MED13L: variants seen among roughly 807,000 people sequenced by gnomAD.
MED13L encodes mediator of RNA polymerase II transcription subunit 13-like.
Under a neutral mutation model 220.9 loss-of-function variants are expected in MED13L, and 7 were observed. That is an observed-to-expected ratio of 0.03 (90% CI 0.02 to 0.06). The LOEUF is 0.06. Ranked by LOEUF, MED13L falls within the 10% of genes least tolerant of loss-of-function variation. The probability of loss-of-function intolerance (pLI) is 1.00; values close to 1 mark genes in which losing one functional copy is unlikely to be tolerated. For missense variants in MED13L, 1,965 were observed against 2,760.5 expected, an observed-to-expected ratio of 0.71 and a Z score of 6.46; for synonymous variants, 1,011 against 1,015.2, an observed-to-expected ratio of 1.00 and a Z score of 0.08.
intron 7 of MED13L, among the ~76,000 whole-genome samples, chr12:116,018,184 C>A (rs1246219030): frequency 6.6e-6 from 1 of 151,984 alleles, no homozygotes; most frequent in African/African-American, 2.4e-5. Flanking sequence ...AAAAAATAAC[C>A]AAGATTCAGA....
chr12:115,990,862 GT>G (rs1403794196), intron 17 of MED13L, among the ~76,000 whole-genome samples, 157 bp downstream of exon 17: 71 of 152,292 alleles, frequency 4.7e-4, no homozygotes, highest in African/African-American at 1.6e-3. Flanking sequence ...CAGTCCATAA[GT>G]TTAGGATAAA....
At position 116,008,510 on chromosome 12, in the gene MED13L, T is replaced by C. The variant is rs1357254838; in HGVS notation, c.1903A>G (p.Ser635Gly). 1.2e-6 allele frequency: 2 copies of C among 1,613,794 alleles called. No individual in the cohort carries two copies. Among genetic ancestry groups the C allele is most frequent in the African/African-American group, 1.3e-5 (1 of 74,928 alleles). ...TCATCACTGGGTGGGAGACGATAACTATGCCACCACTTTTCTGATGACTCC... is the reference window on the plus strand; with the variant it reads ...TCATCACTGGGTGGGAGACGATAACCATGCCACCACTTTTCTGATGACTCC... The part of the protein sequence containing the change: ...NPESSEKWWH[S>G]YRLPPSDDAE... Residue 635 changes from serine (S) to glycine (G), a missense_variant, in exon 10 of 31, where the codon AGT (serine) becomes GGT (glycine). By Grantham distance (56) the Ser-to-Gly change is moderately conservative (BLOSUM62 0). Around this residue, in one of 10 missense-constraint regions of MED13L, gnomAD observed 818 missense variants for 1,041.2 expected, o/e 0.79. Coordinates refer to ENST00000281928, the MANE Select transcript of MED13L (RefSeq NM_015335.5).
intron 2 of MED13L, among the ~76,000 whole-genome samples, chr12:116,154,389 A>G (rs1878274621): frequency 6.6e-6 from 1 of 152,190 alleles, no homozygotes; most frequent in Non-Finnish European, 1.5e-5. Context: ...TGGCACTAAC[A>G]ATGAAAACAT....
At chr12:115,963,857 A>G (rs752354003) in intron 29 of MED13L, among the ~76,000 whole-genome samples, 3 of 152,202 alleles carry the variant, frequency 2.0e-5, no homozygotes, top group African/African-American at 4.8e-5. Context: ...ACAATTATCA[A>G]TATTCACCAC....
intron 2 of MED13L, among the ~76,000 whole-genome samples, chr12:116,140,165 C>A (rs1232031502): frequency 6.6e-6 from 1 of 152,078 alleles, no homozygotes; most frequent in Non-Finnish European, 1.5e-5. Context: ...TCCCAGCATG[C>A]TCTATTCTCA....
At chr12:116,098,676 T>C (rs898187006) in intron 3 of MED13L, among the ~76,000 whole-genome samples, 2 of 152,214 alleles carry the variant, frequency 1.3e-5, no homozygotes, top group Non-Finnish European at 2.9e-5. Context: ...CCACTGGTTT[T>C]ACTTAGAAAA....
chr12:116,158,132 C>T (rs1033537293), intron 2 of MED13L, among the ~76,000 whole-genome samples: 1 of 146,684 alleles, frequency 6.8e-6, no homozygotes, highest in Non-Finnish European at 1.5e-5. Flanking sequence ...GAACGCAGGT[C>T]AGAGCAGAAA....
intron 4 of MED13L, among the ~76,000 whole-genome samples, chr12:116,093,465 C>G (rs958644824): frequency 2.6e-5 from 4 of 151,898 alleles, no homozygotes; most frequent in Admixed American, 2.0e-4. Flanking sequence ...TATTAAGAAC[C>G]CTTTTAGGAG....
At chr12:116,226,348 TAA>T (rs958368575) in intron 2 of MED13L, among the ~76,000 whole-genome samples, 3 of 152,142 alleles carry the variant, frequency 2.0e-5, no homozygotes, top group African/African-American at 7.2e-5. Flanking sequence ...CCAATTATAC[TAA>T]GAGTGCATTT....
chr12:116,009,255 A>C (rs1394862308), intron 9 of MED13L, 123 bp from the exon 10 acceptor site: 4 of 893,772 alleles, frequency 4.5e-6, no homozygotes, highest in Non-Finnish European at 6.9e-6. Flanking sequence ...TAAGTTTTTA[A>C]TTATACTTAT....
At position 116,129,371 on chromosome 12, in the gene MED13L, C is replaced by T. The variant is rs1232724334; in HGVS notation, c.311-17859G>A. On this transcript the variant is annotated intron_variant, in intron 2 of 30. Coordinates refer to ENST00000281928, the MANE Select transcript of MED13L (RefSeq NM_015335.5). The stretch of plus-strand genomic sequence containing the variant: ...ATCAGCTAGACAACTATTCACTATT[C>T]GTATTCATTTTGTATCCTTCAGTCT... 7.2e-5 allele frequency among the ~76,000 whole-genome samples: 11 copies of T among 152,132 alleles called. No individual in the cohort carries two copies. In the South Asian group the frequency reaches 1.2e-3, roughly 17 times the overall value.
chr12:116,246,425 A>G (rs1362961235), intron 1 of MED13L, among the ~76,000 whole-genome samples: 1 of 152,036 alleles, frequency 6.6e-6, no homozygotes. Flanking sequence ...AGACTTCTTC[A>G]GGAAGGTGAA....
chr12:116,154,759 G>C (rs1426000567), intron 2 of MED13L, among the ~76,000 whole-genome samples: 1 of 152,074 alleles, frequency 6.6e-6, no homozygotes, highest in Admixed American at 6.6e-5. Flanking sequence ...CAGAAAATAA[G>C]TATTGAATTT....
At position 116,025,019 on chromosome 12, in the gene MED13L, T is replaced by A. The variant is rs567264477; in HGVS notation, c.480-2418A>T. Among the ~76,000 whole-genome samples the A allele has an allele frequency of 2.0e-4, 30 of 152,294 alleles. No individual in the cohort carries two copies. In the South Asian group the frequency reaches 6.0e-3, roughly 30 times the overall value. ...TTATGCCAGTGTCATGCTATTTTGG[T>A]CACTACAGCTTTACAGTATACTTTG... On this transcript the variant is annotated intron_variant, in intron 4 of 30. Transcript: ENST00000281928.
At chr12:116,069,687 T>C (rs1166411025) in intron 4 of MED13L, among the ~76,000 whole-genome samples, 1 of 152,134 alleles carries the variant, frequency 6.6e-6, no homozygotes, top group African/African-American at 2.4e-5. Context: ...TCCAAAACAG[T>C]CCAAAATCCA....
intron 3 of MED13L, among the ~76,000 whole-genome samples, chr12:116,106,548 A>G (rs1258077026): frequency 6.6e-6 from 1 of 152,154 alleles, no homozygotes; most frequent in Non-Finnish European, 1.5e-5. Flanking sequence ...ATATTCAGTA[A>G]AAAAGATATT....
chr12:116,153,704 A>G (rs1426098340), intron 2 of MED13L, among the ~76,000 whole-genome samples: 1 of 152,182 alleles, frequency 6.6e-6, no homozygotes, highest in Non-Finnish European at 1.5e-5. Context: ...ACTTGCTTCT[A>G]TTTTAACCCA....
intron 2 of MED13L, among the ~76,000 whole-genome samples, chr12:116,216,565 T>C (rs997314325): frequency 5.9e-5 from 9 of 152,120 alleles, no homozygotes; most frequent in African/African-American, 1.9e-4. Flanking sequence ...GGTCCAATAG[T>C]GGTTGGAAAA....
intron 2 of MED13L, among the ~76,000 whole-genome samples, chr12:116,173,230 T>C (rs1440361058): frequency 6.6e-6 from 1 of 152,156 alleles, no homozygotes; most frequent in Non-Finnish European, 1.5e-5. Flanking sequence ...AAAAACTCCT[T>C]TCTCATGTTT....
Sources: allele counts gnomAD v4.1 joint callset (sites outside exome capture counted in the v4.1 genomes callset), GRCh38; gene constraint gnomAD v4.1.1; regional missense constraint gnomAD v4.1.1; transcripts MANE v1.5; gene names NCBI Gene and HGNC (gene_info 2026-07-23, HGNC 2026-07-21).